The following CDH4 variants were observed in gnomAD, a reference collection of about 807,000 sequenced individuals.
The protein encoded by CDH4 is cadherin 4.
In CDH4, 33 loss-of-function variants were observed where a neutral mutation model predicts 86.0. That is an observed-to-expected ratio of 0.38 (90% confidence interval 0.29 to 0.51). The LOEUF (loss-of-function observed/expected upper bound fraction) is 0.51, where lower values mean the gene tolerates loss of function less well. Ranked by LOEUF, CDH4 falls within the 20% of genes least tolerant of loss-of-function variation. The pLI, the probability that CDH4 is intolerant of heterozygous loss-of-function variation, is 0.86. For synonymous variants in CDH4, 555 were observed against 549.4 expected (o/e 1.01, Z -0.14); for missense variants, 1,114 against 1,307.4 (o/e 0.85, Z 2.28).
At position 61,936,916 on chromosome 20, in the gene CDH4, C is replaced by T. The variant is rs2055198448; in HGVS notation, c.2724C>T (p.Asp908=). ...DWGPRFKKLA[D]MYGGGEED is the part of the protein sequence containing the mutation. The stretch of plus-strand genomic sequence containing the variant: ...GGCCCAGATTCAAGAAGCTGGCGGA[C>T]ATGTATGGAGGTGGTGAAGAGGATT... The change falls in exon 16 of 16, where the codon GAC becomes GAT. Residue 908 remains aspartate, a synonymous_variant. Coordinates refer to ENST00000614565, the MANE Select transcript of CDH4 (RefSeq NM_001794.5). The T allele has an allele frequency of 6.3e-7, 1 of 1,596,578 alleles. No individual in the cohort carries two copies. Among genetic ancestry groups the T allele is most frequent in the Non-Finnish European group, 8.5e-7 (1 of 1,171,914 alleles).
rs549486953 is a variant in CDH4, at chr20:61,898,620, G to T, written c.1188+3573G>T. On this transcript the variant is annotated intron_variant, in intron 8 of 15. Transcript: ENST00000614565. ...CCCATCCACACACATGCTCACGGAG[G>T]GGGGGTCCCCTGGAGTCAGGAAGCC... Among the ~76,000 whole-genome samples the T allele has an allele frequency of 4.0e-5, 6 of 150,086 alleles. No individual in the cohort carries two copies. In the South Asian group the frequency reaches 1.0e-3, roughly 26 times the overall value.
chr20:61,697,304 G>A (rs1336925454), intron 2 of CDH4, among the ~76,000 whole-genome samples: 2 of 152,156 alleles, frequency 1.3e-5, no homozygotes, highest in Non-Finnish European at 2.9e-5. Flanking sequence ...AGATGGCACA[G>A]AAATAAGACA....
Position 61,676,761 on chromosome 20 carries a change from G to A in CDH4, c.170-66802G>A, listed in dbSNP as rs1222366489. On this transcript the variant is annotated intron_variant, in intron 2 of 15. Transcript: ENST00000614565. This position sits in a 1 kb window ranked among gnomAD's most constrained non-coding sequence, Gnocchi z 4.5. ...AAATGATGCTGCATTTCAGAAGGTG[G>A]TGTTTGCTGCGAGAAAGGGAAAGTG... Among the ~76,000 whole-genome samples, 2 of 152,250 alleles carry A rather than the reference G, an allele frequency of 1.3e-5. No individual in the cohort carries two copies. The highest frequency in any genetic ancestry group is 3.8e-4 in the East Asian group (2 of 5,198).
intron 2 of CDH4, among the ~76,000 whole-genome samples, chr20:61,371,922 C>T (rs900888125): frequency 6.6e-6 from 1 of 152,190 alleles, no homozygotes; most frequent in Non-Finnish European, 1.5e-5. Context: ...CATTTGGGCT[C>T]CTTGTACCAA....
chr20:61,451,113 C>T (rs928778427), intron 2 of CDH4, among the ~76,000 whole-genome samples: 2 of 101,454 alleles, frequency 2.0e-5, no homozygotes, highest in African/African-American at 4.4e-5. Context: ...CTTTTTCCCT[C>T]CCTCTCACGC....
chr20:61,756,113 C>T (rs904484626), intron 3 of CDH4, among the ~76,000 whole-genome samples: 1 of 152,240 alleles, frequency 6.6e-6, no homozygotes, highest in Non-Finnish European at 1.5e-5. Flanking sequence ...TGATGAATCA[C>T]AGACAGCCTA....
At chr20:61,311,829 T>A (rs1311316656) in intron 2 of CDH4, among the ~76,000 whole-genome samples, 1 of 152,200 alleles carries the variant, frequency 6.6e-6, no homozygotes, top group Non-Finnish European at 1.5e-5. Context: ...TGAAAGTGGG[T>A]GGGAGTGTGT....
intron 2 of CDH4, among the ~76,000 whole-genome samples, chr20:61,294,039 C>T (rs953190314): frequency 3.3e-5 from 5 of 152,160 alleles, no homozygotes; most frequent in Middle Eastern, 3.2e-3. Context: ...AAGGCCCCGG[C>T]AGGACAGGTG....
chr20:61,695,352 CA>C (rs2087705036), intron 2 of CDH4, among the ~76,000 whole-genome samples: 1 of 152,212 alleles, frequency 6.6e-6, no homozygotes, highest in African/African-American at 2.4e-5. Context: ...CTGTGGGTAT[CA>C]GATGTATTCC....
intron 2 of CDH4, among the ~76,000 whole-genome samples, chr20:61,535,673 G>A (rs1255637650): frequency 1.3e-5 from 2 of 152,160 alleles, no homozygotes; most frequent in African/African-American, 2.4e-5. Flanking sequence ...CACCTGGTGC[G>A]GGGCCCTTCT....
intron 4 of CDH4, among the ~76,000 whole-genome samples, chr20:61,790,636 TCCATCCATTCAC>T (rs1452331591): frequency 1.2e-4 from 18 of 150,894 alleles, no homozygotes; most frequent in Non-Finnish European, 2.2e-4. Flanking sequence ...CATTCATCTC[TCCATCCATTCAC>T]CCATCCATTC....
intron 7 of CDH4, among the ~76,000 whole-genome samples, chr20:61,878,763 C>T (rs1047215645): frequency 1.3e-5 from 2 of 152,278 alleles, no homozygotes; most frequent in Non-Finnish European, 2.9e-5. Context: ...ACTCTGCCCG[C>T]TCAGCCATTC....
chr20:61,265,774 C>T, intron 2 of CDH4, among the ~76,000 whole-genome samples: 1 of 152,216 alleles, frequency 6.6e-6, no homozygotes, highest in East Asian at 1.9e-4. Context: ...CTGGCATGAG[C>T]TGTGGGTCAG....
Position 61,501,595 on chromosome 20 carries a change from C to T in CDH4, c.170-241968C>T, listed in dbSNP as rs975768710. On this transcript the variant is annotated intron_variant, in intron 2 of 15. Transcript: ENST00000614565. The surrounding 1 kb of genome is among the most constrained non-coding windows in gnomAD (Gnocchi z 4.2). ...CCTGCATCTCTGCGGCCCGGAGACGCTGACTCCAGTTGCCTAACAGAGCTG... is the reference window on the plus strand; with the variant it reads ...CCTGCATCTCTGCGGCCCGGAGACGTTGACTCCAGTTGCCTAACAGAGCTG... Among the ~76,000 whole-genome samples, 3 of 152,162 alleles carry T rather than the reference C, an allele frequency of 2.0e-5. No homozygotes were observed. The highest frequency in any genetic ancestry group is 4.4e-5 in the Non-Finnish European group (3 of 68,020).
chr20:61,256,022 G>A (rs182069737), intron 2 of CDH4, among the ~76,000 whole-genome samples: 44 of 152,222 alleles, frequency 2.9e-4, no homozygotes, highest in African/African-American at 9.1e-4. Flanking sequence ...CTAGGCAGTC[G>A]GCCTAGGAGC....
intron 2 of CDH4, among the ~76,000 whole-genome samples, chr20:61,519,370 C>T (rs920881208): frequency 2.6e-5 from 4 of 152,244 alleles, no homozygotes; most frequent in African/African-American, 7.2e-5. Flanking sequence ...GTTTTATACC[C>T]ATGGATTCCA....
chr20:61,567,468 G>A (rs978845961), intron 2 of CDH4, among the ~76,000 whole-genome samples: 2 of 152,134 alleles, frequency 1.3e-5, no homozygotes, highest in Admixed American at 1.3e-4. Flanking sequence ...ATCTCTCTGG[G>A]GCCTCTTTTA....
chr20:61,769,793 G>T (rs1014961767), intron 3 of CDH4, among the ~76,000 whole-genome samples: 2 of 152,214 alleles, frequency 1.3e-5, no homozygotes, highest in Non-Finnish European at 2.9e-5. Context: ...GTTCCTGTGG[G>T]CTATGTTGGC....
At chr20:61,849,655 C>T (rs1478724679) in intron 5 of CDH4, among the ~76,000 whole-genome samples, 3 of 152,192 alleles carry the variant, frequency 2.0e-5, no homozygotes, top group African/African-American at 7.2e-5. Context: ...TCTCCATGTC[C>T]TTGCTGGCTA....
Sources: allele counts gnomAD v4.1 joint callset (sites outside exome capture counted in the v4.1 genomes callset), GRCh38; gene constraint gnomAD v4.1.1; non-coding constraint Gnocchi (gnomAD v3.1); transcripts MANE v1.5; gene names NCBI Gene and HGNC (gene_info 2026-07-23, HGNC 2026-07-21).